Variants in NCOA6 observed in about 807,000 individuals in gnomAD.
NCOA6 encodes NRC RAP250.
A neutral mutation model predicts 171.4 loss-of-function variants in NCOA6; 49 were observed. That is an observed-to-expected ratio of 0.29 (90% confidence interval 0.23 to 0.36). The LOEUF (loss-of-function observed/expected upper bound fraction) is 0.36, where lower values mean the gene tolerates loss of function less well. NCOA6 is among the 10% of genes least tolerant of loss of function. NCOA6 has a pLI of 1.00. For missense variants in NCOA6, 2,248 were observed against 2,554.5 expected (o/e 0.88, Z 2.59); for synonymous variants, 910 against 927.5 (o/e 0.98, Z 0.34).
chr20:34,768,061 A>C (rs1030989859), intron 5 of NCOA6, among the ~76,000 whole-genome samples: 2 of 152,236 alleles, frequency 1.3e-5, no homozygotes, highest in African/African-American at 4.8e-5. Context: ...CAGATTCCAC[A>C]TAAGCACACA....
At chr20:34,791,662 A>G (rs778683861) in intron 2 of NCOA6, among the ~76,000 whole-genome samples, 2 of 152,226 alleles carry the variant, frequency 1.3e-5, no homozygotes, top group Non-Finnish European at 2.9e-5. Context: ...AAGGAAAACC[A>G]GCAATAAACT....
chr20:34,722,590 G>A (rs1989505119), intron 14 of NCOA6, among the ~76,000 whole-genome samples: 1 of 150,332 alleles, frequency 6.7e-6, no homozygotes, highest in Non-Finnish European at 1.5e-5. Context: ...TGAGGCAGAA[G>A]GATCATTTAA....
intron 4 of NCOA6, among the ~76,000 whole-genome samples, chr20:34,771,315 G>A (rs1030163676): frequency 1.3e-5 from 2 of 151,724 alleles, no homozygotes; most frequent in Admixed American, 6.6e-5. Flanking sequence ...TAAATTTTTT[G>A]TAGAGACAGG....
At position 34,717,535 on chromosome 20, in the gene NCOA6, T is replaced by C. The variant is rs148238400; in HGVS notation, c.6149-2170A>G. ...TACAGTAATTTCATTCAAGCCTCTG[T>C]TGGTGGAAATTTCAGTATGTTTGTC... On this transcript the variant is annotated intron_variant, in intron 14 of 14. Transcript: ENST00000359003. Among the ~76,000 whole-genome samples, 5 of 152,304 alleles carry C rather than the reference T, an allele frequency of 3.3e-5. No individual in the cohort carries two copies. In the East Asian group the frequency reaches 7.7e-4, roughly 23 times the overall value.
At chr20:34,726,082 G>A (rs1366962285) in intron 14 of NCOA6, among the ~76,000 whole-genome samples, 3 of 152,200 alleles carry the variant, frequency 2.0e-5, no homozygotes, top group Non-Finnish European at 2.9e-5. Context: ...TGGAGAGGTG[G>A]TAGCAGAAGA....
chr20:34,825,424 A>C (rs2146843796), intron 1 of NCOA6, 48 bp downstream of exon 1: 1 of 148,312 alleles, frequency 6.7e-6, no homozygotes, highest in Non-Finnish European at 1.5e-5. Context: ...AGGACCGCGG[A>C]CGCCCGGCGG....
chr20:34,802,906 C>G (rs755512496), intron 1 of NCOA6, among the ~76,000 whole-genome samples: 1 of 152,048 alleles, frequency 6.6e-6, no homozygotes, highest in Admixed American at 6.5e-5. Flanking sequence ...CCAAGTGATC[C>G]TCCCACTTCA....
chr20:34,744,668 T>TA (rs1568756471), intron 10 of NCOA6, among the ~76,000 whole-genome samples: 4 of 152,150 alleles, frequency 2.6e-5, no homozygotes, highest in South Asian at 2.1e-4. Flanking sequence ...TGAAGATTTT[T>TA]AAAAAAATCC....
intron 1 of NCOA6, among the ~76,000 whole-genome samples, chr20:34,818,677 CCA>C (rs1261136618): frequency 6.6e-6 from 1 of 152,164 alleles, no homozygotes; most frequent in African/African-American, 2.4e-5. Flanking sequence ...CGTTCACAGA[CCA>C]CCTCTTTCAG....
chr20:34,799,319 T>A (rs1362814362), intron 1 of NCOA6, among the ~76,000 whole-genome samples: 2 of 152,032 alleles, frequency 1.3e-5, no homozygotes, highest in Non-Finnish European at 2.9e-5. Context: ...ATGAAGCACA[T>A]CTACAAGATC....
chr20:34,770,919 C>T (rs928317257), intron 4 of NCOA6, among the ~76,000 whole-genome samples: 12 of 151,876 alleles, frequency 7.9e-5, no homozygotes, highest in East Asian at 3.9e-4. Flanking sequence ...CATGAGCCAC[C>T]GTGCCAGGCC....
intron 5 of NCOA6, among the ~76,000 whole-genome samples, chr20:34,766,018 G>A (rs1447762330): frequency 6.6e-6 from 1 of 152,190 alleles, no homozygotes; most frequent in Non-Finnish European, 1.5e-5. Flanking sequence ...TGTTTTAGAG[G>A]GGATTTAAGG....
Position 34,743,228 on chromosome 20 carries a change from G to C in NCOA6, c.3028C>G (p.Pro1010Ala), listed in dbSNP as rs2076204657. 6.2e-7 allele frequency: 1 copy of C among 1,614,048 alleles called. No individual in the cohort carries two copies. The highest frequency in any genetic ancestry group is 8.5e-7 in the Non-Finnish European group (1 of 1,179,992). ...PPQQQPQPQL[P>A]QQQQPPPPSQ... Reference sequence around the variant, plus strand: ...GGAGGTGGTGGCTGCTGCTGCTGAGGCAGTTGTGGCTGTGGCTGCTGCTGT... The same window carrying C: ...GGAGGTGGTGGCTGCTGCTGCTGAGCCAGTTGTGGCTGTGGCTGCTGCTGT... Residue 1010 changes from proline (P) to alanine (A), a missense_variant, in exon 11 of 15, where the codon CCT becomes GCT. By Grantham distance (27) the Pro-to-Ala change is conservative. Around this residue, in one of 7 missense-constraint regions of NCOA6, gnomAD observed 352 missense variants for 419.1 expected, o/e 0.84. Transcript: ENST00000359003.
At position 34,746,930 on chromosome 20, in the gene NCOA6, TAAAAAAA is replaced by T; in HGVS notation, c.2793-9_2793-3del. 93 of 1,137,760 alleles carry T rather than the reference TAAAAAAA, an allele frequency of 8.2e-5. No homozygotes were observed. The highest frequency in any genetic ancestry group is 4.9e-4 in the South Asian group (18 of 36,956). The allele number at this position is 1,137,760 out of a possible 1,614,324, so 70.5% of individuals were successfully genotyped here. Reference sequence around the variant, plus strand: ...CCAGCTGGGCGAGTATCTGGGGTGCTAAAAAAAAAAAAAAAAAAAAAAGTGACATATT... The same window carrying T: ...CCAGCTGGGCGAGTATCTGGGGTGCTAAAAAAAAAAAAAAAGTGACATATT... On this transcript the variant is annotated splice_polypyrimidine_tract_variant and splice_region_variant and intron_variant, in intron 9 of 14. Coordinates refer to ENST00000359003, the MANE Select transcript of NCOA6 (RefSeq NM_014071.5).
At chr20:34,777,010 G>A (rs868518504) in intron 3 of NCOA6, among the ~76,000 whole-genome samples, 3 of 151,080 alleles carry the variant, frequency 2.0e-5, no homozygotes, top group Non-Finnish European at 4.4e-5. Flanking sequence ...CCAGCTACTC[G>A]GGAGGCTGAG....
chr20:34,757,240 C>T lies in NCOA6; in HGVS notation c.1508G>A (p.Ser503Asn). Residue 503 changes from serine (S) to asparagine (N), a missense_variant, in exon 7 of 15, where the codon AGT becomes AAT. Coordinates refer to ENST00000359003, the MANE Select transcript of NCOA6 (RefSeq NM_014071.5). Reference protein sequence around the residue: ...QQQPPNQGPQSLHPGLGGMPK... With the variant: ...QQQPPNQGPQNLHPGLGGMPK... ...CTCACCTCCTAGGCCTGGATGTAAA[C>T]TCTGTGGCCCCTGGTTTGGTGGTTG... is the stretch of plus-strand genomic sequence containing the variant. The T allele has an allele frequency of 2.5e-6, 4 of 1,596,818 alleles. No individual in the cohort carries two copies. The highest frequency in any genetic ancestry group is 3.4e-6 in the Non-Finnish European group (4 of 1,171,408).
intron 4 of NCOA6, among the ~76,000 whole-genome samples, chr20:34,773,356 C>G (rs1212945153): frequency 1.3e-5 from 2 of 152,206 alleles, no homozygotes; most frequent in Non-Finnish European, 2.9e-5. Context: ...AGGAAGGGTA[C>G]AGGAAGTATT....
intron 5 of NCOA6, among the ~76,000 whole-genome samples, chr20:34,762,213 T>A (rs1458145124): frequency 6.6e-6 from 1 of 152,232 alleles, no homozygotes; most frequent in East Asian, 1.9e-4. Flanking sequence ...AGTGATGCTG[T>A]TTATTTTAAT....
chr20:34,768,239 G>A (rs1448080294), intron 5 of NCOA6, among the ~76,000 whole-genome samples: 3 of 152,166 alleles, frequency 2.0e-5, no homozygotes, highest in Non-Finnish European at 4.4e-5. Context: ...TTTGCTGCAT[G>A]GCTCAGTGTT....
Sources: gnomAD v4.1 joint callset for allele counts (sites outside exome capture counted in the v4.1 genomes callset) on GRCh38, gnomAD v4.1.1 for gene constraint, gnomAD v4.1.1 regional missense constraint, MANE v1.5 for transcripts, NCBI Gene and HGNC (gene_info 2026-07-23, HGNC 2026-07-21) for gene names.